GABRA4: variants seen among roughly 807,000 people sequenced by gnomAD.
GABRA4 encodes the protein gamma-aminobutyric acid receptor subunit alpha-4.
GABRA4 carries 12 observed loss-of-function variants against 49.7 expected under a neutral mutation model. The observed-to-expected ratio is 0.24, with a 90% CI of 0.15 to 0.39. The LOEUF is 0.39. GABRA4 is among the 10% of genes least tolerant of loss of function. The pLI is 1.00. For missense variants in GABRA4, 506 were observed against 686.0 expected (o/e 0.74, Z 2.93); for synonymous variants, 288 against 240.2 (o/e 1.20, Z -1.84).
intron 8 of GABRA4, among the ~76,000 whole-genome samples, chr4:46,937,096 G>C (rs895428874): frequency 5.3e-5 from 8 of 152,182 alleles, no homozygotes; most frequent in Non-Finnish European, 8.8e-5. Flanking sequence ...AAGTCACAAA[G>C]GTGGAGCCCT....
intron 8 of GABRA4, among the ~76,000 whole-genome samples, chr4:46,941,697 C>T (rs184076855): frequency 6.6e-6 from 1 of 152,010 alleles, no homozygotes; most frequent in Admixed American, 6.6e-5. Flanking sequence ...GTATGAGAGC[C>T]TGTATTTTGT....
chr4:46,939,356 T>C (rs560919605), intron 8 of GABRA4, among the ~76,000 whole-genome samples: 55 of 152,016 alleles, frequency 3.6e-4, no homozygotes, highest in Non-Finnish European at 6.8e-4. Context: ...TTCTACAATG[T>C]ATTGAGCCCT....
intron 8 of GABRA4, among the ~76,000 whole-genome samples, chr4:46,961,665 A>G (rs78336370): frequency 6.6e-6 from 1 of 151,912 alleles, no homozygotes; most frequent in Non-Finnish European, 1.5e-5. Context: ...TGATTTATAT[A>G]CGTGTTGATT....
At position 46,922,528 on chromosome 4, in the gene GABRA4, A is replaced by G. The variant is rs1721073764; in HGVS notation, c.*5697T>C. On this transcript the variant is annotated 3_prime_UTR_variant, in exon 9 of 9. Transcript: ENST00000264318. The stretch of plus-strand genomic sequence containing the variant: ...CCAGATAAAAACTTTTTCAAGAAAT[A>G]GAGGAAGAGTTTATATAAATAGGTC... 6.6e-6 allele frequency: 1 copy of G among 152,134 alleles called. No individual in the cohort carries two copies. The highest frequency in any genetic ancestry group is 1.5e-5 in the Non-Finnish European group (1 of 68,030). 9.4% of individuals were successfully genotyped at this position (152,134 alleles called of 1,614,324 possible).
intron 7 of GABRA4, among the ~76,000 whole-genome samples, chr4:46,966,999 T>C (rs1353941781): frequency 6.6e-6 from 1 of 151,622 alleles, no homozygotes; most frequent in Non-Finnish European, 1.5e-5. Flanking sequence ...CTCAGAAAAG[T>C]GGCACCACTC....
intron 8 of GABRA4, among the ~76,000 whole-genome samples, chr4:46,942,697 T>C (rs1721850109): frequency 6.6e-6 from 1 of 152,058 alleles, no homozygotes; most frequent in South Asian, 2.1e-4. Context: ...ATTCTTTGTT[T>C]CTTTCAATTC....
intron 1 of GABRA4, 39 bp downstream of exon 1, chr4:46,993,300 C>G: frequency 6.4e-7 from 1 of 1,574,220 alleles, no homozygotes; most frequent in Non-Finnish European, 8.7e-7. Flanking sequence ...CATTTCTCCA[C>G]TTTCCGTTGC....
intron 2 of GABRA4, among the ~76,000 whole-genome samples, chr4:46,983,918 T>C (rs985072692): frequency 6.6e-6 from 1 of 152,030 alleles, no homozygotes; most frequent in Non-Finnish European, 1.5e-5. Context: ...AACAAGATGA[T>C]TCAACAGTTT....
At chr4:46,989,940 A>T (rs970512513) in intron 2 of GABRA4, among the ~76,000 whole-genome samples, 1 of 152,208 alleles carries the variant, frequency 6.6e-6, no homozygotes, top group Non-Finnish European at 1.5e-5. Context: ...CTAATGATGA[A>T]GTTTCTCATT....
chr4:46,983,598 G>T (rs576371067), intron 2 of GABRA4, among the ~76,000 whole-genome samples: 1 of 152,062 alleles, frequency 6.6e-6, no homozygotes, highest in South Asian at 2.1e-4. Flanking sequence ...GTATCCTCTG[G>T]CAGGACCAAT....
At chr4:46,930,683 C>T (rs961246320) in intron 8 of GABRA4, among the ~76,000 whole-genome samples, 1 of 151,022 alleles carries the variant, frequency 6.6e-6, no homozygotes, top group African/African-American at 2.4e-5. Context: ...CTTCTTCTTT[C>T]AGTCAGTTAG....
chr4:46,950,253 T>TA (rs1722124408), intron 8 of GABRA4, among the ~76,000 whole-genome samples: 1 of 152,034 alleles, frequency 6.6e-6, no homozygotes, highest in African/African-American at 2.4e-5. Context: ...AAAACGATCC[T>TA]ACTGAGACCA....
chr4:46,928,272 C>A lies in GABRA4; in HGVS notation c.1618G>T (p.Val540Phe), dbSNP rs759960611. Residue 540 changes from valine to phenylalanine, a missense_variant, in exon 9 of 9, where the codon GTT (valine) becomes TTT (phenylalanine). Val to Phe is a conservative substitution (Grantham distance 50). This residue lies in a region of GABRA4 where 29 missense variants were observed against 25.1 expected (regional missense o/e 1.16). Coordinates refer to ENST00000264318, the MANE Select transcript of GABRA4 (RefSeq NM_000809.4). ...FGAFNMVYWV[V>F]YLSKDTMEKS... ...TCCATAGTGTCCTTAGATAAATAAACAACCCAATAAACCATGTTAAATGCC... is the reference window on the plus strand; with the variant it reads ...TCCATAGTGTCCTTAGATAAATAAAAAACCCAATAAACCATGTTAAATGCC... 11 of 1,612,822 alleles carry A rather than the reference C, an allele frequency of 6.8e-6. No individual in the cohort carries two copies. Among genetic ancestry groups the A allele is most frequent in the Non-Finnish European group, 7.6e-6 (9 of 1,179,438 alleles).
chr4:46,919,658 AT>A lies in GABRA4; in HGVS notation c.*8566del, dbSNP rs1252972020. 1 of 151,656 alleles carries A rather than the reference AT, an allele frequency of 6.6e-6. No individual in the cohort carries two copies. Among genetic ancestry groups the A allele is most frequent in the African/African-American group, 2.4e-5 (1 of 41,424 alleles). 9.4% of individuals were successfully genotyped at this position (151,656 alleles called of 1,614,324 possible). A position where few individuals can be genotyped will look rare whatever the true frequency, so the allele number is the denominator to read the frequency against. On this transcript the variant is annotated 3_prime_UTR_variant, in exon 9 of 9. Transcript: ENST00000264318. ...CAACTAAACAAACAATTTTAAAATT[AT>A]TCAAGAGAAGAAAGAAGGGAATGGA...
intron 5 of GABRA4, among the ~76,000 whole-genome samples, chr4:46,975,890 T>C (rs182672572): frequency 7.2e-5 from 11 of 152,100 alleles, no homozygotes; most frequent in African/African-American, 2.6e-4. Flanking sequence ...GAGAACATAA[T>C]ACTCTCTGGC....
At chr4:46,937,035 A>G (rs897107927) in intron 8 of GABRA4, among the ~76,000 whole-genome samples, 2 of 152,218 alleles carry the variant, frequency 1.3e-5, no homozygotes, top group Non-Finnish European at 2.9e-5. Flanking sequence ...TGAACTCTCC[A>G]CATGACTATA....
At chr4:46,951,150 G>T (rs773457844) in intron 8 of GABRA4, among the ~76,000 whole-genome samples, 7 of 151,990 alleles carry the variant, frequency 4.6e-5, no homozygotes, top group African/African-American at 7.2e-5. Context: ...GTTAAGAGAA[G>T]AGTTACACAG....
At chr4:46,940,344 C>T (rs148088063) in intron 8 of GABRA4, among the ~76,000 whole-genome samples, 60 of 152,114 alleles carry the variant, frequency 3.9e-4, no homozygotes, top group Admixed American at 9.8e-4. Flanking sequence ...AACATGAGCT[C>T]TATCTCTTGT....
intron 8 of GABRA4, among the ~76,000 whole-genome samples, chr4:46,946,746 G>A (rs753115896): frequency 1.6e-4 from 25 of 152,080 alleles, no homozygotes; most frequent in Non-Finnish European, 2.6e-4. Context: ...ATAAATGTGC[G>A]TAAGTTGAGA....
Sources: gnomAD v4.1 joint callset for allele counts (sites outside exome capture counted in the v4.1 genomes callset) on GRCh38, gnomAD v4.1.1 for gene constraint, gnomAD v4.1.1 regional missense constraint, MANE v1.5 for transcripts, NCBI Gene and HGNC (gene_info 2026-07-23, HGNC 2026-07-21) for gene names.